RFX7: variants seen among roughly 807,000 people sequenced by gnomAD.
RFX7 encodes DNA-binding protein RFX7.
Under a neutral mutation model 111.8 loss-of-function variants are expected in RFX7, and 26 were observed. The observed-to-expected ratio is 0.23, with a 90% CI of 0.17 to 0.32. The LOEUF is 0.32. Among genes scored for constraint, RFX7 ranks in the 10% least tolerant of loss-of-function variants. The pLI is 1.00. For synonymous variants in RFX7, 624 were observed against 624.4 expected, an observed-to-expected ratio of 1.00 and a Z score of 0.01; for missense variants, 1,573 against 1,772.9, an observed-to-expected ratio of 0.89 and a Z score of 2.02.
rs549721278 is a variant in RFX7, at chr15:56,101,636, T to C, written c.604-70A>G. ...AAATTAAATTGAAGCATGTTAAAGA[T>C]ATGTATTCTTAATTAGAAGATACAA... On this transcript the variant is annotated intron_variant, in intron 7 of 9. Coordinates refer to ENST00000559447, the MANE Select transcript of RFX7 (RefSeq NM_022841.7). 59 of 1,300,208 alleles carry C rather than the reference T, an allele frequency of 4.5e-5. No homozygotes were observed. The African/African-American group carries it at 6.8e-4, about 15-fold the overall frequency. The allele number at this position is 1,300,208 out of a possible 1,614,324, so 80.5% of individuals were successfully genotyped here. A position where few individuals can be genotyped will look rare whatever the true frequency, so the allele number is the denominator to read the frequency against.
chr15:56,211,724 G>T (rs1418493460), intron 2 of RFX7, among the ~76,000 whole-genome samples: 1 of 152,080 alleles, frequency 6.6e-6, no homozygotes, highest in Non-Finnish European at 1.5e-5. Flanking sequence ...ACAAAGACCT[G>T]AATAGATACT....
intron 3 of RFX7, among the ~76,000 whole-genome samples, chr15:56,165,355 C>T (rs2042770890): frequency 6.6e-6 from 1 of 152,194 alleles, no homozygotes; most frequent in African/African-American, 2.4e-5. Flanking sequence ...AAGACTTCTC[C>T]CCTGGAAGGA....
chr15:56,121,113 C>T (rs753195933), intron 5 of RFX7, among the ~76,000 whole-genome samples: 2 of 152,176 alleles, frequency 1.3e-5, no homozygotes, highest in Non-Finnish European at 2.9e-5. Context: ...TGTCTTACTG[C>T]TCAACAGCCT....
chr15:56,232,693 GA>G (rs1214351395), intron 2 of RFX7, among the ~76,000 whole-genome samples: 3 of 152,096 alleles, frequency 2.0e-5, no homozygotes, highest in Non-Finnish European at 4.4e-5. Context: ...GTCACCTCTT[GA>G]ACGCTTTGCT....
chr15:56,222,122 A>G (rs2043432844), intron 2 of RFX7, among the ~76,000 whole-genome samples: 1 of 152,206 alleles, frequency 6.6e-6, no homozygotes, highest in South Asian at 2.1e-4. Flanking sequence ...TTTCAGAAAT[A>G]TATTTTTGTT....
intron 2 of RFX7, among the ~76,000 whole-genome samples, chr15:56,242,197 T>C (rs1419374576): frequency 3.3e-5 from 5 of 152,204 alleles, no homozygotes; most frequent in Non-Finnish European, 7.3e-5. Context: ...AAAGCAATCT[T>C]AGACCAAATT....
chr15:56,123,700 C>G (rs1443600263), intron 5 of RFX7, among the ~76,000 whole-genome samples: 2 of 152,216 alleles, frequency 1.3e-5, no homozygotes, highest in African/African-American at 4.8e-5. Context: ...GACTCCAGAG[C>G]ACTTTAGCCT....
upstream of RFX7, among the ~76,000 whole-genome samples, chr15:56,244,663 G>A (rs1289459279): frequency 7.6e-6 from 1 of 131,778 alleles, no homozygotes; most frequent in African/African-American, 2.8e-5. Context: ...CATAGCTCAA[G>A]TCGCGGCTTG....
chr15:56,242,032 A>G (rs2043695888), intron 2 of RFX7, among the ~76,000 whole-genome samples: 1 of 152,208 alleles, frequency 6.6e-6, no homozygotes, highest in African/African-American at 2.4e-5. Context: ...TGTTCATGCA[A>G]CGCCAGTTGC....
intron 3 of RFX7, among the ~76,000 whole-genome samples, chr15:56,148,022 C>T (rs1372313910): frequency 1.3e-5 from 2 of 152,190 alleles, no homozygotes; most frequent in East Asian, 1.9e-4. Flanking sequence ...CTAGTGAAAA[C>T]GGTTTCAAAT....
intron 3 of RFX7, among the ~76,000 whole-genome samples, chr15:56,171,954 T>G (rs1461781838): frequency 6.6e-6 from 1 of 151,990 alleles, no homozygotes; most frequent in African/African-American, 2.4e-5. Flanking sequence ...TGGACAAATA[T>G]AGACAAAATG....
At chr15:56,120,228 C>T (rs1353531037) in intron 5 of RFX7, among the ~76,000 whole-genome samples, 1 of 152,092 alleles carries the variant, frequency 6.6e-6, no homozygotes, top group Non-Finnish European at 1.5e-5. Context: ...TCTTTAAGTA[C>T]ATTCTTAGGT....
At chr15:56,122,112 A>G (rs1469188408) in intron 5 of RFX7, among the ~76,000 whole-genome samples, 2 of 152,048 alleles carry the variant, frequency 1.3e-5, no homozygotes, top group African/African-American at 4.8e-5. Flanking sequence ...GAAGAGTTAG[A>G]TATTTATCGT....
chr15:56,138,564 T>C (rs1424619062), intron 5 of RFX7, among the ~76,000 whole-genome samples: 1 of 151,478 alleles, frequency 6.6e-6, no homozygotes, highest in African/African-American at 2.4e-5. Context: ...CTTGACTCTT[T>C]ATCCAATTTG....
chr15:56,134,747 C>A (rs549680950), intron 5 of RFX7, among the ~76,000 whole-genome samples: 2 of 152,034 alleles, frequency 1.3e-5, no homozygotes, highest in South Asian at 4.2e-4. Flanking sequence ...TTAGGTATAT[C>A]TCCCAATGCT....
At chr15:56,210,054 A>G (rs184461467) in intron 2 of RFX7, among the ~76,000 whole-genome samples, 1 of 152,240 alleles carries the variant, frequency 6.6e-6, no homozygotes, top group African/African-American at 2.4e-5. Flanking sequence ...GGATCAAGAA[A>G]TAAGACCCAA....
intron 5 of RFX7, among the ~76,000 whole-genome samples, chr15:56,119,680 G>C (rs1312755105): frequency 6.6e-6 from 1 of 151,838 alleles, no homozygotes; most frequent in Non-Finnish European, 1.5e-5. Flanking sequence ...GGGGGGCTGA[G>C]GCAGGAGAAT....
intron 2 of RFX7, among the ~76,000 whole-genome samples, chr15:56,181,886 G>A (rs1256889921): frequency 2.0e-5 from 3 of 152,078 alleles, no homozygotes; most frequent in Admixed American, 1.3e-4. Context: ...GAGCAACCAA[G>A]CGCATTACTG....
At chr15:56,098,681 A>G (rs532558123) in intron 8 of RFX7, among the ~76,000 whole-genome samples, 1 of 152,254 alleles carries the variant, frequency 6.6e-6, no homozygotes, top group African/African-American at 2.4e-5. Context: ...GTAAATGTGC[A>G]GAAGCTGAGA....
Sources: gnomAD v4.1 joint callset for allele counts (sites outside exome capture counted in the v4.1 genomes callset) on GRCh38, gnomAD v4.1.1 for gene constraint, MANE v1.5 for transcripts, NCBI Gene and HGNC (gene_info 2026-07-23, HGNC 2026-07-21) for gene names.